The following TNIK variants were observed in gnomAD, a reference collection of about 807,000 sequenced individuals.
The protein encoded by TNIK is TRAF2 and NCK interacting kinase, also known as TRAF2 and NCK-interacting protein kinase.
Under a neutral mutation model 191.3 loss-of-function variants are expected in TNIK, and 49 were observed. The observed-to-expected ratio is 0.26, with a 90% confidence interval of 0.20 to 0.32. TNIK has a LOEUF of 0.32. Among genes scored for constraint, TNIK ranks in the 10% least tolerant of loss-of-function variants. The pLI is 1.00. For synonymous variants in TNIK, 594 were observed against 600.9 expected (o/e 0.99, Z 0.17); for missense variants, 1,155 against 1,702.3 (o/e 0.68, Z 5.66).
At chr3:171,158,184 A>T (rs1733486394) in intron 11 of TNIK, among the ~76,000 whole-genome samples, 1 of 152,192 alleles carries the variant, frequency 6.6e-6, no homozygotes, top group South Asian at 2.1e-4. Context: ...AAAACCCTTG[A>T]GTCAAGGTCA....
Position 171,119,641 on chromosome 3 carries a change from TG to T in TNIK, c.2120+3954del, listed in dbSNP as rs577019698. Among the ~76,000 whole-genome samples the T allele has an allele frequency of 1.4e-4, 22 of 152,298 alleles. No homozygotes were observed. The East Asian group carries it at 4.2e-3, about 29-fold the overall frequency. On this transcript the variant is annotated intron_variant, in intron 18 of 32. Transcript: ENST00000436636. The stretch of plus-strand genomic sequence containing the variant: ...TAAAAAATGATAAGTTCATGTCCTT[TG>T]TAGGGACATGTATGAAGCTGGAAAC...
At chr3:171,425,613 G>A (rs1474138532) in intron 1 of TNIK, among the ~76,000 whole-genome samples, 2 of 152,098 alleles carry the variant, frequency 1.3e-5, no homozygotes, top group African/African-American at 4.8e-5. Flanking sequence ...ATCACTTGAG[G>A]TCAGGGGTTC....
chr3:171,222,690 TG>T (rs1398327086), intron 3 of TNIK, among the ~76,000 whole-genome samples: 1 of 152,134 alleles, frequency 6.6e-6, no homozygotes, highest in Admixed American at 6.6e-5. Flanking sequence ...AGTCTACTAC[TG>T]GGAGAAGACC....
At chr3:171,234,199 C>T (rs1436781840) in intron 2 of TNIK, among the ~76,000 whole-genome samples, 1 of 152,154 alleles carries the variant, frequency 6.6e-6, no homozygotes, top group Non-Finnish European at 1.5e-5. Context: ...AAGAGGTAGA[C>T]AAGACAACTT....
intron 30 of TNIK, among the ~76,000 whole-genome samples, chr3:171,066,949 G>C (rs1041676528): frequency 6.6e-6 from 1 of 152,122 alleles, no homozygotes; most frequent in Non-Finnish European, 1.5e-5. Flanking sequence ...TTCCTAAAAA[G>C]AGCATGTAAA....
intron 2 of TNIK, among the ~76,000 whole-genome samples, chr3:171,278,496 A>T (rs1750040390): frequency 6.6e-6 from 1 of 152,186 alleles, no homozygotes; most frequent in Non-Finnish European, 1.5e-5. Flanking sequence ...GATAAAAAAA[A>T]TTTAAAAACA....
Position 171,323,263 on chromosome 3 carries a change from T to G in TNIK, c.123+46357A>C, listed in dbSNP as rs528742140. On this transcript the variant is annotated intron_variant, in intron 2 of 32. Transcript: ENST00000436636. Reference sequence around the variant, plus strand: ...TTGCAAAGTCTTTCTTCATATTCCATGTTGACACTCAGTGGGTAAAGATGA... The same window carrying G: ...TTGCAAAGTCTTTCTTCATATTCCAGGTTGACACTCAGTGGGTAAAGATGA... 5.1e-4 allele frequency among the ~76,000 whole-genome samples: 77 copies of G among 152,310 alleles called. 1 individual carries two copies. The South Asian group carries it at 0.016, about 31-fold the overall frequency.
intron 2 of TNIK, among the ~76,000 whole-genome samples, chr3:171,294,086 G>A (rs1002232845): frequency 2.6e-5 from 4 of 152,038 alleles, no homozygotes; most frequent in African/African-American, 9.7e-5. Flanking sequence ...AAAATTAGCT[G>A]GGTGTGGTGG....
chr3:171,082,858 G>T (rs1299407160), intron 26 of TNIK, among the ~76,000 whole-genome samples: 1 of 152,086 alleles, frequency 6.6e-6, no homozygotes, highest in Non-Finnish European at 1.5e-5. Context: ...ATGGAAGAAA[G>T]GCCCTTCCTC....
At chr3:171,069,047 A>AT in intron 29 of TNIK, 50 bp from the exon 30 acceptor site, 1 of 1,561,640 alleles carries the variant, frequency 6.4e-7, no homozygotes, top group South Asian at 1.2e-5. Flanking sequence ...AGGCATCTTA[A>AT]TTTTTTTCCT....
chr3:171,195,767 TC>T (rs1468036025), intron 4 of TNIK, among the ~76,000 whole-genome samples: 1 of 152,116 alleles, frequency 6.6e-6, no homozygotes, highest in African/African-American at 2.4e-5. Context: ...TCCCACCTTC[TC>T]CAAGAAGCCA....
chr3:171,228,127 C>T, intron 3 of TNIK, 38 bp downstream of exon 3: 7 of 1,610,962 alleles, frequency 4.3e-6, no homozygotes, highest in Non-Finnish European at 5.9e-6. Context: ...CAAGGAGCAT[C>T]TGCATGGCTA....
intron 7 of TNIK, among the ~76,000 whole-genome samples, chr3:171,180,730 T>G (rs1216449146): frequency 6.6e-6 from 1 of 152,224 alleles, no homozygotes; most frequent in African/African-American, 2.4e-5. Context: ...GGTTTTAAAC[T>G]GAGCTGGGTC....
chr3:171,151,902 C>T (rs771767270), intron 12 of TNIK, among the ~76,000 whole-genome samples: 1 of 152,188 alleles, frequency 6.6e-6, no homozygotes, highest in African/African-American at 2.4e-5. Context: ...AAAGAACAAC[C>T]TTCCACACCA....
chr3:171,367,280 T>C (rs1298312333), intron 2 of TNIK, among the ~76,000 whole-genome samples: 1 of 152,310 alleles, frequency 6.6e-6, no homozygotes, highest in South Asian at 2.1e-4. Context: ...TATTTTGCTA[T>C]TTTATTAAAC....
rs979882238 is a variant in TNIK at position 171,159,050 on chromosome 3, G to A, written c.1017-1386C>T. On this transcript the variant is annotated intron_variant, in intron 11 of 32. Transcript: ENST00000436636. The surrounding 1 kb of genome is among the most constrained non-coding windows in gnomAD (Gnocchi z 4.1). ...GGGGCCGCGACAGCCATGCAGGCACGGGAAGGTTTTATGCAGAAGAGCAAC... is the reference window on the plus strand; with the variant it reads ...GGGGCCGCGACAGCCATGCAGGCACAGGAAGGTTTTATGCAGAAGAGCAAC... Among the ~76,000 whole-genome samples the A allele has an allele frequency of 6.6e-6, 1 of 152,152 alleles. No individual in the cohort carries two copies. Among genetic ancestry groups the A allele is most frequent in the East Asian group, 1.9e-4 (1 of 5,188 alleles).
At chr3:171,381,461 G>A (rs1718021431) in intron 1 of TNIK, among the ~76,000 whole-genome samples, 1 of 152,136 alleles carries the variant, frequency 6.6e-6, no homozygotes, top group South Asian at 2.1e-4. Flanking sequence ...TCTCCTCTAA[G>A]CACTGATATT....
rs141352018 is a variant in TNIK at position 171,460,229 on chromosome 3, T to G, written c.-166A>C. On this transcript the variant is annotated 5_prime_UTR_variant, in exon 1 of 33. Coordinates refer to ENST00000436636, the MANE Select transcript of TNIK (RefSeq NM_015028.4). The surrounding 1 kb of genome is among the most constrained non-coding windows in gnomAD (Gnocchi z 6.8). ...GCCCCACAGCGCCGGATCCCGATCCTCCGCGCGTCGGTCCGCCGGGTCCGG... is the reference window on the plus strand; with the variant it reads ...GCCCCACAGCGCCGGATCCCGATCCGCCGCGCGTCGGTCCGCCGGGTCCGG... The G allele has an allele frequency of 0.036, 30,105 of 845,684 alleles. 634 individuals are homozygous for G. The highest frequency in any genetic ancestry group is 0.047 in the Admixed American group (1,925 of 41,186). The allele number at this position is 845,684 out of a possible 1,614,324, so 52.4% of individuals were successfully genotyped here. A position where few individuals can be genotyped will look rare whatever the true frequency, so the allele number is the denominator to read the frequency against.
At chr3:171,456,969 CA>C (rs1728863278) in intron 1 of TNIK, among the ~76,000 whole-genome samples, 1 of 152,234 alleles carries the variant, frequency 6.6e-6, no homozygotes, top group African/African-American at 2.4e-5. Flanking sequence ...CAACTTACTT[CA>C]CGCCTCTGGG....
Sources: allele counts gnomAD v4.1 joint callset (sites outside exome capture counted in the v4.1 genomes callset), GRCh38; gene constraint gnomAD v4.1.1; non-coding constraint Gnocchi (gnomAD v3.1); transcripts MANE v1.5; gene names NCBI Gene and HGNC (gene_info 2026-07-23, HGNC 2026-07-21).